The following DLG2 variants were observed in gnomAD, a reference collection of about 807,000 sequenced individuals.
The protein encoded by DLG2 is disks large homolog 2.
A neutral mutation model predicts 132.5 loss-of-function variants in DLG2; 45 were observed. The observed-to-expected ratio is 0.34, with a 90% CI of 0.27 to 0.44. The LOEUF is 0.44. Ranked by LOEUF, DLG2 falls within the 20% of genes least tolerant of loss-of-function variation. DLG2 has a pLI of 1.00. For missense variants in DLG2, 1,045 were observed against 1,196.9 expected (o/e 0.87, Z 1.87); for synonymous variants, 424 against 419.6 (o/e 1.01, Z -0.13).
intron 3 of DLG2, among the ~76,000 whole-genome samples, chr11:85,484,491 A>C (rs1283433101): frequency 2.0e-5 from 3 of 151,004 alleles, no homozygotes; most frequent in African/African-American, 7.3e-5. Flanking sequence ...CAATGAACTC[A>C]AACAAATTTA....
chr11:85,319,064 T>C (rs2080877025), intron 3 of DLG2, among the ~76,000 whole-genome samples: 1 of 151,896 alleles, frequency 6.6e-6, no homozygotes, highest in African/African-American at 2.4e-5. Flanking sequence ...TAAATAAAAA[T>C]GTTATTTTTC....
chr11:85,400,714 T>C (rs1367479959), intron 3 of DLG2, among the ~76,000 whole-genome samples: 2 of 148,002 alleles, frequency 1.4e-5, no homozygotes, highest in Non-Finnish European at 3.0e-5. Context: ...TTCTCACTCA[T>C]AGATGGGAAT....
chr11:84,586,821 A>C (rs2099531140), intron 6 of DLG2, among the ~76,000 whole-genome samples: 1 of 152,192 alleles, frequency 6.6e-6, no homozygotes, highest in African/African-American at 2.4e-5. Flanking sequence ...TCTTAATAAA[A>C]TGTAAAGTTT....
chr11:85,046,021 G>T (rs117809802), intron 6 of DLG2, among the ~76,000 whole-genome samples: 10 of 151,950 alleles, frequency 6.6e-5, no homozygotes, highest in Admixed American at 6.6e-4. Context: ...TGAGTCTCAG[G>T]TTTAGTAGGA....
intron 6 of DLG2, among the ~76,000 whole-genome samples, chr11:84,931,635 G>C (rs1940118): frequency 0.37 from 56,551 of 152,102 alleles, 11,130 homozygotes; most frequent in East Asian, 0.67. Flanking sequence ...CCAGTAATGG[G>C]ATTGCTGGGT....
chr11:85,116,702 A>G (rs1354827904), intron 5 of DLG2, among the ~76,000 whole-genome samples: 1 of 152,006 alleles, frequency 6.6e-6, no homozygotes, highest in Non-Finnish European at 1.5e-5. Context: ...AAAATGTTAC[A>G]TTGGAAGTCC....
chr11:84,502,222 C>CT lies in DLG2; in HGVS notation c.519+32347_519+32348insA, dbSNP rs1191126624. ...TCTCTCCTTCCTTCCTTCCTTCCTT[C>CT]CTTCCTTCCTTCCTTCCTTCCTTCC... is the stretch of plus-strand genomic sequence containing the variant. On this transcript the variant is annotated intron_variant, in intron 7 of 27. Coordinates refer to ENST00000376104, the MANE Select transcript of DLG2 (RefSeq NM_001142699.3). Among the ~76,000 whole-genome samples, 47 of 12,796 alleles carry CT rather than the reference C, an allele frequency of 3.7e-3. 11 individuals are homozygous for CT. The highest frequency in any genetic ancestry group is 4.1e-3 in the Non-Finnish European group (29 of 7,020). 8.4% of individuals were successfully genotyped at this position (12,796 alleles called of 152,430 possible).
intron 6 of DLG2, among the ~76,000 whole-genome samples, chr11:84,735,649 T>C (rs2063734652): frequency 6.6e-6 from 1 of 152,186 alleles, no homozygotes; most frequent in Non-Finnish European, 1.5e-5. Context: ...AGTTCTGCTC[T>C]GATCTTAGTT....
intron 6 of DLG2, among the ~76,000 whole-genome samples, chr11:84,861,552 A>G (rs2083630633): frequency 6.6e-6 from 1 of 150,710 alleles, no homozygotes; most frequent in African/African-American, 2.4e-5. Context: ...AAAACACCAA[A>G]AGCAATGGCA....
chr11:85,311,560 G>C (rs1425321804), intron 3 of DLG2, among the ~76,000 whole-genome samples: 1 of 151,934 alleles, frequency 6.6e-6, no homozygotes, highest in Non-Finnish European at 1.5e-5. Context: ...TCTGATAAAG[G>C]ATTACTCAGT....
intron 18 of DLG2, among the ~76,000 whole-genome samples, chr11:83,746,619 C>T (rs1000370967): frequency 6.6e-6 from 1 of 151,972 alleles, no homozygotes; most frequent in Admixed American, 6.6e-5. Context: ...GGAGATATAC[C>T]TAATGTAAAT....
chr11:85,278,428 C>A (rs1279260940), intron 4 of DLG2, among the ~76,000 whole-genome samples: 1 of 152,058 alleles, frequency 6.6e-6, no homozygotes, highest in Non-Finnish European at 1.5e-5. Context: ...ATGGTGAAAC[C>A]CGTCTGTACT....
At chr11:84,110,999 C>T (rs1375657771) in intron 9 of DLG2, among the ~76,000 whole-genome samples, 1 of 151,952 alleles carries the variant, frequency 6.6e-6, no homozygotes, top group African/African-American at 2.4e-5. Context: ...CAGAGTAACT[C>T]CTCACTTTCC....
chr11:85,067,706 T>C (rs2065138888), intron 6 of DLG2, among the ~76,000 whole-genome samples: 1 of 151,664 alleles, frequency 6.6e-6, no homozygotes. Context: ...CTACCAGAGG[T>C]ACAAGGAGGA....
chr11:84,846,731 T>C (rs1028959818), intron 6 of DLG2, among the ~76,000 whole-genome samples: 5 of 152,172 alleles, frequency 3.3e-5, no homozygotes, highest in African/African-American at 9.6e-5. Flanking sequence ...TTTTAACTAA[T>C]GTAATGTATC....
chr11:84,839,182 A>C (rs2080241581), intron 6 of DLG2, among the ~76,000 whole-genome samples: 1 of 152,164 alleles, frequency 6.6e-6, no homozygotes, highest in South Asian at 2.1e-4. Flanking sequence ...AATCGCAAGC[A>C]TTCCTATACA....
chr11:83,905,772 C>T (rs1393673556), intron 15 of DLG2, among the ~76,000 whole-genome samples: 1 of 152,056 alleles, frequency 6.6e-6, no homozygotes, highest in Non-Finnish European at 1.5e-5. Context: ...TGGGTTGTTG[C>T]TTTTTACATC....
intron 3 of DLG2, among the ~76,000 whole-genome samples, chr11:85,303,289 A>G (rs1021124020): frequency 3.3e-5 from 5 of 152,198 alleles, no homozygotes; most frequent in Non-Finnish European, 5.9e-5. Flanking sequence ...CAACCTTGGA[A>G]TTGTTACCCT....
chr11:83,747,301 TTC>T (rs2092982924), intron 18 of DLG2, among the ~76,000 whole-genome samples: 1 of 148,460 alleles, frequency 6.7e-6, no homozygotes, highest in Non-Finnish European at 1.5e-5. Flanking sequence ...CCTTCCTTCC[TTC>T]CTTCCTTCCT....
Sources: allele counts gnomAD v4.1 joint callset (sites outside exome capture counted in the v4.1 genomes callset), GRCh38; gene constraint gnomAD v4.1.1; transcripts MANE v1.5; gene names NCBI Gene and HGNC (gene_info 2026-07-23, HGNC 2026-07-21).